ENO1: variants seen among roughly 807,000 people sequenced by gnomAD.
ENO1 encodes the protein enolase 1, also known as alpha-enolase.
ENO1 carries 33 observed loss-of-function variants against 46.3 expected under a neutral mutation model. The ratio of observed to expected loss-of-function variants is 0.71; its 90% confidence interval spans 0.54 to 0.95. ENO1 has a LOEUF of 0.95. ENO1 is among the 40% of genes least tolerant of loss of function. The probability of loss-of-function intolerance (pLI) is 0.00; values close to 1 mark genes in which losing one functional copy is unlikely to be tolerated. For missense variants in ENO1, 488 were observed against 553.3 expected, an observed-to-expected ratio of 0.88 and a Z score of 1.18; for synonymous variants, 220 against 216.0, an observed-to-expected ratio of 1.02 and a Z score of -0.16.
At position 8,871,951 on chromosome 1, in the gene ENO1, T is replaced by G. The variant is rs376416487; in HGVS notation, c.121A>C (p.Thr41Pro). 1 of 1,614,142 alleles carries G rather than the reference T, an allele frequency of 6.2e-7. No individual in the cohort carries two copies. Among genetic ancestry groups the G allele is most frequent in the Non-Finnish European group, 8.5e-7 (1 of 1,180,006 alleles). The part of the protein sequence containing the change: ...FRAAVPSGAS[T>P]GIYEALELRD... ...AGCTCTAGGGCCTCATAGATACCAG[T>G]TGAAGCACCACTGGGCACAGCAGCT... is the stretch of plus-strand genomic sequence containing the variant. The change falls in exon 3 of 12, where the codon ACT (threonine) becomes CCT (proline). Residue 41 changes from threonine (T) to proline (P), a missense_variant. Physicochemically the swap from Thr to Pro is conservative, Grantham distance 38. Coordinates refer to ENST00000234590, the MANE Select transcript of ENO1 (RefSeq NM_001428.5).
Position 8,865,298 on chromosome 1 carries a change from G to C in ENO1, c.852C>G (p.Ile284Met). The C allele has an allele frequency of 3.1e-6, 5 of 1,614,130 alleles. No homozygotes were observed. Among genetic ancestry groups the C allele is most frequent in the Non-Finnish European group, 4.2e-6 (5 of 1,180,012 alleles). The change falls in exon 8 of 12, where the codon ATC becomes ATG. Residue 284 changes from isoleucine (I) to methionine (M), a missense_variant. Transcript: ENST00000234590. ...DQLADLYKSF[I>M]KDYPVVSIED... is the part of the protein sequence containing the mutation. ...GGGAACACTCACCTGGGTAGTCCTT[G>C]ATGAAGGACTTGTACAGGTCAGCCA...
Position 8,866,310 on chromosome 1 carries a change from CCCG to C in ENO1, c.633_635del (p.Gly212del). 1 of 1,614,120 alleles carries C rather than the reference CCCG, an allele frequency of 6.2e-7. No homozygotes were observed. Among genetic ancestry groups the C allele is most frequent in the Non-Finnish European group, 8.5e-7 (1 of 1,180,008 alleles). ...TATTCTCCAGGATGTTGGGAGCAAA[CCCG>C]CCTTCATCCCCCACATTGGTGGCAT... On this transcript the variant is annotated inframe_deletion, in exon 7 of 12. Transcript: ENST00000234590.
At chr1:8,871,247 T>C (rs762180834) in intron 3 of ENO1, 18 of 1,015,952 alleles carry the variant, frequency 1.8e-5, no homozygotes, top group African/African-American at 1.2e-4. Context: ...TGCAGCCTTT[T>C]TGGAGTTTTC....
intron 3 of ENO1, chr1:8,871,584 C>T (rs904232373): frequency 1.7e-5 from 19 of 1,151,000 alleles, no homozygotes; most frequent in Non-Finnish European, 2.0e-5. Flanking sequence ...GTTAACAGGC[C>T]CTGTTCTCAT....
Position 8,867,244 on chromosome 1 carries a change from A to C in ENO1, c.317T>G (p.Phe106Cys). ...CACCCCCAGAATGGCGTTCGCACCAAACTTAGCTAGAACAGAAGAGAACCG... is the reference window on the plus strand; with the variant it reads ...CACCCCCAGAATGGCGTTCGCACCACACTTAGCTAGAACAGAAGAGAACCG... ...EMDGTENKSK[F>C]GANAILGVSL... Residue 106 changes from phenylalanine to cysteine, a missense_variant, in exon 6 of 12, where the codon TTT becomes TGT. By Grantham distance (205) the Phe-to-Cys change is radical (BLOSUM62 -2). Transcript: ENST00000234590. The C allele has an allele frequency of 6.2e-7, 1 of 1,614,076 alleles. No homozygotes were observed. Among genetic ancestry groups the C allele is most frequent in the Non-Finnish European group, 8.5e-7 (1 of 1,179,986 alleles).
At position 8,865,162 on chromosome 1, in the gene ENO1, C is replaced by T. The variant is rs1355258367; in HGVS notation, c.865+123G>A. The T allele has an allele frequency of 5.8e-6, 7 of 1,198,858 alleles. No individual in the cohort carries two copies. In the Admixed American group the frequency reaches 6.1e-5, roughly 11 times the overall value. 74.3% of individuals were successfully genotyped at this position (1,198,858 alleles called of 1,614,324 possible). ...CCCAGTGGTGAATCCCCTACGGGAG[C>T]TGGAAGTTCAGACACTCCCTCCCCA... On this transcript the variant is annotated intron_variant, in intron 8 of 11. Coordinates refer to ENST00000234590, the MANE Select transcript of ENO1 (RefSeq NM_001428.5).
At chr1:8,877,770 G>A (rs1642765959) in intron 1 of ENO1, 1 of 152,242 alleles carries the variant, frequency 6.6e-6, no homozygotes, top group Admixed American at 6.5e-5. Flanking sequence ...AGCTACTCGG[G>A]AGGCTGAGGT....
At chr1:8,863,382 T>TGGGGG in intron 9 of ENO1, 39 bp from the exon 10 acceptor site, 1 of 1,585,244 alleles carries the variant, frequency 6.3e-7, no homozygotes, top group Non-Finnish European at 8.6e-7. Flanking sequence ...ATGATCCCAT[T>TGGGGG]TTCTGGTTCC....
intron 9 of ENO1, 112 bp downstream of exon 9, chr1:8,863,779 A>C: frequency 8.2e-7 from 1 of 1,219,684 alleles, no homozygotes; most frequent in South Asian, 1.2e-5. Flanking sequence ...TTAAAATTCC[A>C]GCGAGTCCTA....
intron 2 of ENO1, among the ~76,000 whole-genome samples, chr1:8,873,590 C>T (rs1642675767): frequency 6.6e-6 from 1 of 152,212 alleles, no homozygotes; most frequent in Admixed American, 6.5e-5. Flanking sequence ...TGAGAACCCT[C>T]AGGGTTCCCC....
chr1:8,862,928 AG>A lies in ENO1; in HGVS notation c.1193del (p.Pro398LeufsTer76). On this transcript the variant is annotated frameshift_variant, in exon 11 of 12. Coordinates refer to ENST00000234590, the MANE Select transcript of ENO1 (RefSeq NM_001428.5). LOFTEE classifies it high-confidence loss of function. ...LCTGQIKTGA[P>X]CRSERLAKYN... ...ACTTGGCCAAGCGCTCAGATCGGCA[AG>A]GGGCACCAGTCTTGATCTAGGAGAA... The A allele has an allele frequency of 6.2e-7, 1 of 1,614,132 alleles. No homozygotes were observed. The highest frequency in any genetic ancestry group is 8.5e-7 in the Non-Finnish European group (1 of 1,179,984).
intron 3 of ENO1, chr1:8,871,285 T>TA (rs751916319): frequency 1.0e-6 from 1 of 1,000,054 alleles, no homozygotes; most frequent in Non-Finnish European, 1.2e-6. Context: ...ATGCGTGATC[T>TA]AGCCCTATGT....
At chr1:8,867,522 A>G (rs1179026796) in intron 5 of ENO1, among the ~76,000 whole-genome samples, 1 of 151,744 alleles carries the variant, frequency 6.6e-6, no homozygotes, top group Non-Finnish European at 1.5e-5. Flanking sequence ...GGCTATTGTC[A>G]CCTGGTTTTG....
chr1:8,863,293 G>C lies in ENO1; in HGVS notation c.1118C>G (p.Ser373Trp). Residue 373 changes from serine to tryptophan, a missense_variant, in exon 10 of 12, where the codon TCG becomes TGG. By Grantham distance (177) the Ser-to-Trp change is radical (BLOSUM62 -3). Coordinates refer to ENST00000234590, the MANE Select transcript of ENO1 (RefSeq NM_001428.5). ...GATGAAGGTATCTTCAGTCTCCCCC[G>C]AACGATGAGACACCATGACGCCCCA... ...NGWGVMVSHR[S>W]GETEDTFIAD... 1.2e-6 allele frequency: 2 copies of C among 1,614,120 alleles called. No homozygotes were observed.
At chr1:8,865,776 T>A (rs1475665534) in intron 7 of ENO1, among the ~76,000 whole-genome samples, 4 of 152,000 alleles carry the variant, frequency 2.6e-5, no homozygotes, top group Non-Finnish European at 5.9e-5. Context: ...AAGATACAGT[T>A]ACAGTAAGCA....
chr1:8,872,138 A>G (rs1277774598), intron 2 of ENO1, 152 bp from the exon 3 acceptor site: 4 of 642,876 alleles, frequency 6.2e-6, no homozygotes, highest in African/African-American at 1.8e-5. Flanking sequence ...GCTGTTCTTC[A>G]TGCCTTTCAC....
At chr1:8,866,610 CT>C in intron 6 of ENO1, 109 bp from the exon 7 acceptor site, 1 of 1,213,196 alleles carries the variant, frequency 8.2e-7, no homozygotes. Context: ...GAGCCCAAGA[CT>C]TGCTTCTTGA....
In ENO1 at chr1:8,868,986, C is replaced by A. The variant is rs141827413; in HGVS notation, c.241-929G>T. On this transcript the variant is annotated intron_variant, in intron 4 of 11. Transcript: ENST00000234590. The stretch of plus-strand genomic sequence containing the variant: ...TACAGGCGTTAGCCACTGCACCCAG[C>A]CAAAAATCAGCATTCCATTTTAAAC... 1.8e-4 allele frequency among the ~76,000 whole-genome samples: 28 copies of A among 152,218 alleles called. No homozygotes were observed. The East Asian group carries it at 4.8e-3, about 26-fold the overall frequency.
intron 4 of ENO1, chr1:8,870,219 C>T (rs1011435362): frequency 3.7e-6 from 2 of 544,324 alleles, no homozygotes; most frequent in Admixed American, 6.1e-5. Context: ...GAAGAAACCT[C>T]AGGGCTCGAA....
Sources: allele counts gnomAD v4.1 joint callset (sites outside exome capture counted in the v4.1 genomes callset), GRCh38; gene constraint gnomAD v4.1.1; transcripts MANE v1.5; gene names NCBI Gene and HGNC (gene_info 2026-07-23, HGNC 2026-07-21).